FBXL2: variants seen among roughly 807,000 people sequenced by gnomAD.
The protein encoded by FBXL2 is F-box/LRR-repeat protein 2.
A neutral mutation model predicts 69.2 loss-of-function variants in FBXL2; 38 were observed. The observed-to-expected ratio is 0.55, with a 90% CI of 0.42 to 0.72. FBXL2 has a LOEUF of 0.72. FBXL2 is among the 30% of genes least tolerant of loss of function. The probability of loss-of-function intolerance (pLI) is 0.00; values close to 1 mark genes in which losing one functional copy is unlikely to be tolerated. For missense variants in FBXL2, 354 were observed against 520.3 expected (o/e 0.68, Z 3.11); for synonymous variants, 192 against 201.3 (o/e 0.95, Z 0.39).
chr3:33,352,851 C>T (rs1484594067), intron 2 of FBXL2, among the ~76,000 whole-genome samples: 1 of 152,050 alleles, frequency 6.6e-6, no homozygotes, highest in Non-Finnish European at 1.5e-5. Context: ...GCTGAGATCA[C>T]ACCACTGCAC....
At chr3:33,411,773 A>G in the FBXL2 span, 8 of 1,090,896 alleles carry the variant, frequency 7.3e-6, no homozygotes, top group Middle Eastern at 1.2e-3. Context: ...TTCTAATGAA[A>G]TAACTGTAAC....
At chr3:33,320,520 C>T (rs1037817371) in intron 2 of FBXL2, among the ~76,000 whole-genome samples, 12 of 150,474 alleles carry the variant, frequency 8.0e-5, no homozygotes, top group South Asian at 6.3e-4. Flanking sequence ...CTTGCTATGT[C>T]GCCCTGGCTG....
chr3:33,388,293 G>A (rs1305681746), downstream of FBXL2: 1 of 152,504 alleles, frequency 6.6e-6, no homozygotes, highest in Non-Finnish European at 1.5e-5. Flanking sequence ...TCTATGACAC[G>A]AAGTGACAGT....
intron 1 of FBXL2, chr3:33,278,316 C>T (rs138153284): frequency 6.6e-6 from 1 of 152,250 alleles, no homozygotes; most frequent in Non-Finnish European, 1.5e-5. Context: ...TCTCCAGAGG[C>T]CTTCACGGGG....
At chr3:33,328,920 A>G (rs1026674940) in intron 2 of FBXL2, among the ~76,000 whole-genome samples, 1 of 152,098 alleles carries the variant, frequency 6.6e-6, no homozygotes, top group Non-Finnish European at 1.5e-5. Context: ...AGCAAAGGAA[A>G]CCATAACCAA....
At chr3:33,347,866 G>A (rs2040559655) in intron 2 of FBXL2, among the ~76,000 whole-genome samples, 2 of 151,968 alleles carry the variant, frequency 1.3e-5, no homozygotes, top group Middle Eastern at 3.4e-3. Flanking sequence ...AAATTGGATT[G>A]TTAGATTTTT....
intron 1 of FBXL2, among the ~76,000 whole-genome samples, chr3:33,286,349 A>G (rs1011189744): frequency 6.6e-6 from 1 of 152,212 alleles, no homozygotes; most frequent in African/African-American, 2.4e-5. Context: ...GCATCAGAAC[A>G]GCAAATATTG....
chr3:33,412,381 A>G, the FBXL2 span, among the ~76,000 whole-genome samples: 1 of 151,938 alleles, frequency 6.6e-6, no homozygotes, highest in Non-Finnish European at 1.5e-5. Context: ...ATACATATAT[A>G]TGTATGTGTG....
Position 33,384,023 on chromosome 3 carries a change from G to C in FBXL2, c.986G>C (p.Gly329Ala). ...CACTGTGAACTCATCACAGATGATG[G>C]GATCCTGCACCTGAGCAACAGTACC... ...LSHCELITDD[G>A]ILHLSNSTCG... The change falls in exon 14 of 15, where the codon GGG becomes GCG. Residue 329 changes from glycine (G) to alanine (A), a missense_variant. By Grantham distance (60) the Gly-to-Ala change is moderately conservative (BLOSUM62 0). Transcript: ENST00000484457. The C allele has an allele frequency of 6.2e-7, 1 of 1,614,092 alleles. No individual in the cohort carries two copies. Among genetic ancestry groups the C allele is most frequent in the African/African-American group, 1.3e-5 (1 of 75,042 alleles).
At chr3:33,401,882 G>A (rs1047320654) in intron 12 of FBXL2, among the ~76,000 whole-genome samples, 1 of 152,126 alleles carries the variant, frequency 6.6e-6, no homozygotes. Flanking sequence ...TAAGCCCTCA[G>A]ACATGGTAAC....
intron 2 of FBXL2, among the ~76,000 whole-genome samples, chr3:33,357,077 T>TAATAGC (rs1390813612): frequency 2.0e-5 from 3 of 152,186 alleles, no homozygotes; most frequent in African/African-American, 4.8e-5. Flanking sequence ...ATGGAGATAG[T>TAATAGC]AATAGCACAA....
chr3:33,338,842 A>G (rs1314797789), intron 2 of FBXL2, among the ~76,000 whole-genome samples: 3 of 152,222 alleles, frequency 2.0e-5, no homozygotes, highest in Non-Finnish European at 2.9e-5. Context: ...AACCTAGGAA[A>G]TACCATTCTG....
At chr3:33,338,298 G>A (rs2039744734) in intron 2 of FBXL2, among the ~76,000 whole-genome samples, 1 of 152,116 alleles carries the variant, frequency 6.6e-6, no homozygotes, top group South Asian at 2.1e-4. Flanking sequence ...TGTAATCTCA[G>A]CTACATGGGA....
rs114742666 is a variant in FBXL2, at chr3:33,302,882, C to T, written c.65+5157C>T. Among the ~76,000 whole-genome samples, 1,173 of 152,260 alleles carry T rather than the reference C, an allele frequency of 7.7e-3. 9 individuals carry two copies. The highest frequency in any genetic ancestry group is 0.01 in the Non-Finnish European group (711 of 68,024). On this transcript the variant is annotated intron_variant, in intron 2 of 14. Transcript: ENST00000484457. ...TGGGAAAATTATAAAATGACTAGCA[C>T]ATCATTTTCAAATTTTCCTTTTCTT... is the stretch of plus-strand genomic sequence containing the variant.
At chr3:33,385,190 G>A (rs2043341307) in intron 14 of FBXL2, among the ~76,000 whole-genome samples, 1 of 152,096 alleles carries the variant, frequency 6.6e-6, no homozygotes, top group Non-Finnish European at 1.5e-5. Context: ...TTTAAGTTTA[G>A]GCAACTGCAT....
At chr3:33,329,864 A>G (rs1248377318) in intron 2 of FBXL2, among the ~76,000 whole-genome samples, 1 of 152,130 alleles carries the variant, frequency 6.6e-6, no homozygotes, top group African/African-American at 2.4e-5. Flanking sequence ...CATGGTGGCT[A>G]CTTGGGAGGC....
At chr3:33,360,520 C>T (rs1396104098) in intron 4 of FBXL2, among the ~76,000 whole-genome samples, 1 of 152,150 alleles carries the variant, frequency 6.6e-6, no homozygotes, top group African/African-American at 2.4e-5. Context: ...TGGAAGGGGG[C>T]AGGGACCTCA....
intron 2 of FBXL2, among the ~76,000 whole-genome samples, chr3:33,318,510 G>C (rs888302960): frequency 4.4e-4 from 67 of 152,218 alleles, no homozygotes; most frequent in African/African-American, 1.6e-3. Flanking sequence ...TTTGTCTGCT[G>C]TCCAGATAAT....
chr3:33,385,785 T>C lies in FBXL2; in HGVS notation c.*177T>C. ...CTGGTGATAGTTTTCACCTTTATTC[T>C]GCTGTGAAACAATCAAATCAAAGCC... is the stretch of plus-strand genomic sequence containing the variant. On this transcript the variant is annotated 3_prime_UTR_variant, in exon 15 of 15. Coordinates refer to ENST00000484457, the MANE Select transcript of FBXL2 (RefSeq NM_012157.5). 1.6e-6 allele frequency: 1 copy of C among 606,742 alleles called. No homozygotes were observed. The highest frequency in any genetic ancestry group is 2.8e-5 in the East Asian group (1 of 35,872). The allele number at this position is 606,742 out of a possible 1,614,324, so 37.6% of individuals were successfully genotyped here. A position where few individuals can be genotyped will look rare whatever the true frequency, so the allele number is the denominator to read the frequency against.
Sources: gnomAD v4.1 joint callset for allele counts (sites outside exome capture counted in the v4.1 genomes callset) on GRCh38, gnomAD v4.1.1 for gene constraint, MANE v1.5 for transcripts, NCBI Gene and HGNC (gene_info 2026-07-23, HGNC 2026-07-21) for gene names.